The following EPHB1 variants were observed in gnomAD, a reference collection of about 807,000 sequenced individuals.
The protein encoded by EPHB1 is ephrin type-B receptor 1.
In EPHB1, 30 loss-of-function variants were observed where a neutral mutation model predicts 94.4. That is an observed-to-expected ratio of 0.32 (90% CI 0.24 to 0.43). EPHB1 has a LOEUF of 0.43. Among genes scored for constraint, EPHB1 ranks in the 20% least tolerant of loss-of-function variants. The pLI, the probability that EPHB1 is intolerant of heterozygous loss-of-function variation, is 1.00. For synonymous variants in EPHB1, 522 were observed against 489.1 expected, an observed-to-expected ratio of 1.07 and a Z score of -0.89; for missense variants, 1,055 against 1,308.3, an observed-to-expected ratio of 0.81 and a Z score of 2.99.
At chr3:135,133,566 A>G (rs1365473122) in intron 5 of EPHB1, among the ~76,000 whole-genome samples, 1 of 152,246 alleles carries the variant, frequency 6.6e-6, no homozygotes, top group Non-Finnish European at 1.5e-5. Flanking sequence ...AGATCATATG[A>G]TAAAATCAAT....
At chr3:134,957,010 G>A (rs1205418814) in intron 3 of EPHB1, among the ~76,000 whole-genome samples, 1 of 152,158 alleles carries the variant, frequency 6.6e-6, no homozygotes. Flanking sequence ...GTTAACACAT[G>A]TTTGAATGTT....
chr3:134,988,728 C>T (rs67294685), intron 3 of EPHB1, among the ~76,000 whole-genome samples: 44,302 of 152,062 alleles, frequency 0.29, 6,980 homozygotes, highest in Middle Eastern at 0.47. Flanking sequence ...CTTCCCCAAC[C>T]ACAGATTCTC....
chr3:135,017,252 T>A (rs556167601), intron 3 of EPHB1, among the ~76,000 whole-genome samples: 15 of 152,308 alleles, frequency 9.8e-5, no homozygotes, highest in Non-Finnish European at 1.8e-4. Flanking sequence ...TCATCTGTCT[T>A]GTTTGCCTCT....
intron 12 of EPHB1, among the ~76,000 whole-genome samples, chr3:135,237,293 C>T (rs1943679018): frequency 6.6e-6 from 1 of 151,886 alleles, no homozygotes. Flanking sequence ...CACACACACA[C>T]ACACACACAC....
chr3:134,884,422 T>G (rs2037821739), intron 1 of EPHB1, among the ~76,000 whole-genome samples: 1 of 152,218 alleles, frequency 6.6e-6, no homozygotes, highest in Non-Finnish European at 1.5e-5. Context: ...CAACTTTCTT[T>G]TAACTCTGAA....
intron 3 of EPHB1, among the ~76,000 whole-genome samples, chr3:135,099,189 G>A (rs879759505): frequency 4.6e-5 from 7 of 152,078 alleles, no homozygotes; most frequent in African/African-American, 9.7e-5. Context: ...TCAATTAGCC[G>A]TAGAATGTGT....
At chr3:134,998,737 T>C (rs539537331) in intron 3 of EPHB1, among the ~76,000 whole-genome samples, 1 of 152,340 alleles carries the variant, frequency 6.6e-6, no homozygotes, top group Non-Finnish European at 1.5e-5. Flanking sequence ...CCACCATTTG[T>C]CTGTGAGGCT....
intron 1 of EPHB1, among the ~76,000 whole-genome samples, chr3:134,870,078 A>G (rs1307715202): frequency 6.6e-6 from 1 of 152,192 alleles, no homozygotes; most frequent in Non-Finnish European, 1.5e-5. Context: ...TAAGAGAGTT[A>G]TTAGTGCTTG....
At chr3:134,850,447 G>T (rs1159177726) in intron 1 of EPHB1, among the ~76,000 whole-genome samples, 1 of 152,174 alleles carries the variant, frequency 6.6e-6, no homozygotes, top group Non-Finnish European at 1.5e-5. Context: ...TGAGAAAGAG[G>T]GATGTTTCCA....
At chr3:135,177,170 T>C (rs1224897172) in intron 9 of EPHB1, among the ~76,000 whole-genome samples, 1 of 152,124 alleles carries the variant, frequency 6.6e-6, no homozygotes, top group Non-Finnish European at 1.5e-5. Context: ...GAGAAAACCA[T>C]GCTAAGAGGT....
intron 3 of EPHB1, among the ~76,000 whole-genome samples, chr3:135,036,485 TA>T (rs1293418753): frequency 6.6e-6 from 1 of 152,198 alleles, no homozygotes; most frequent in Non-Finnish European, 1.5e-5. Flanking sequence ...CTCTGCAGTG[TA>T]TAGGCTACTG....
intron 12 of EPHB1, among the ~76,000 whole-genome samples, chr3:135,230,720 T>C (rs1435784645): frequency 6.6e-6 from 1 of 152,126 alleles, no homozygotes; most frequent in Non-Finnish European, 1.5e-5. Context: ...CCTCCCTCCC[T>C]CCCTCTCACC....
intron 12 of EPHB1, among the ~76,000 whole-genome samples, chr3:135,223,490 A>G (rs763638342): frequency 6.6e-5 from 10 of 152,224 alleles, no homozygotes; most frequent in Admixed American, 2.0e-4. Context: ...CCTGTCCCCA[A>G]TCATACTTTT....
chr3:134,879,702 G>A (rs1560279071), intron 1 of EPHB1, among the ~76,000 whole-genome samples: 1 of 152,024 alleles, frequency 6.6e-6, no homozygotes, highest in Non-Finnish European at 1.5e-5. Context: ...ATTGGTCCTG[G>A]CATTAGAGCA....
intron 1 of EPHB1, among the ~76,000 whole-genome samples, chr3:134,804,408 A>G (rs922094257): frequency 6.2e-5 from 9 of 145,962 alleles, no homozygotes; most frequent in African/African-American, 1.7e-4. Context: ...CCCACAACAC[A>G]TGGGAAATCT....
chr3:135,217,421 G>A lies in EPHB1; in HGVS notation c.2346+15732G>A, dbSNP rs890116819. 1.7e-5 allele frequency among the ~76,000 whole-genome samples: 2 copies of A among 118,342 alleles called. 1 individual carries two copies. The highest frequency in any genetic ancestry group is 3.5e-5 in the Non-Finnish European group (2 of 57,308). 77.6% of individuals were successfully genotyped at this position (118,342 alleles called of 152,430 possible). A position where few individuals can be genotyped will look rare whatever the true frequency, so the allele number is the denominator to read the frequency against. Reference sequence around the variant, plus strand: ...AGCCTGCAATGAATAACTCCCATCAGTACCACACACACACACACACACACA... The same window carrying A: ...AGCCTGCAATGAATAACTCCCATCAATACCACACACACACACACACACACA... On this transcript the variant is annotated intron_variant, in intron 12 of 15. Transcript: ENST00000398015.
chr3:134,808,368 G>A (rs887336678), intron 1 of EPHB1, among the ~76,000 whole-genome samples: 3 of 152,158 alleles, frequency 2.0e-5, no homozygotes, highest in Non-Finnish European at 4.4e-5. Context: ...CTTGGGTCAT[G>A]TGTCTATGAA....
At chr3:135,052,969 ATGTGTATATATATGTG>A (rs1481208120) in intron 3 of EPHB1, among the ~76,000 whole-genome samples, 41 of 113,708 alleles carry the variant, frequency 3.6e-4, no homozygotes, top group African/African-American at 1.1e-3. Context: ...GTGTATATAT[ATGTGTATATATATGTG>A]TGTGTATATA....
chr3:135,175,657 T>C (rs1411775936), intron 9 of EPHB1, among the ~76,000 whole-genome samples: 3 of 152,178 alleles, frequency 2.0e-5, no homozygotes, highest in African/African-American at 7.2e-5. Context: ...AATTGGAAAC[T>C]ATAAAATATA....
Sources: gnomAD v4.1 joint callset for allele counts (sites outside exome capture counted in the v4.1 genomes callset) on GRCh38, gnomAD v4.1.1 for gene constraint, MANE v1.5 for transcripts, NCBI Gene and HGNC (gene_info 2026-07-23, HGNC 2026-07-21) for gene names.